The following LTBP3 variants were observed in gnomAD, a reference collection of about 807,000 sequenced individuals.
The protein encoded by LTBP3 is latent-transforming growth factor beta-binding protein 3.
In LTBP3, 97 loss-of-function variants were observed where a neutral mutation model predicts 159.7. The observed-to-expected ratio is 0.61, with a 90% CI of 0.52 to 0.72. The LOEUF is 0.72. Ranked by LOEUF, LTBP3 falls within the 30% of genes least tolerant of loss-of-function variation. LTBP3 has a pLI of 0.00. For missense variants in LTBP3, 1,584 were observed against 1,864.3 expected, an observed-to-expected ratio of 0.85 and a Z score of 2.77; for synonymous variants, 824 against 777.1, an observed-to-expected ratio of 1.06 and a Z score of -1.00.
In LTBP3 at chr11:65,552,744, TG is replaced by T; in HGVS notation, c.1186+115del. Reference sequence around the variant, plus strand: ...TGCTGATCCCTGATCCTATTGGCTCTGGGCCTTGTTCCTCCTGCAGTCAACC... The same window carrying T: ...TGCTGATCCCTGATCCTATTGGCTCTGGCCTTGTTCCTCCTGCAGTCAACC... On this transcript the variant is annotated intron_variant, in intron 6 of 27. Transcript: ENST00000301873. The surrounding 1 kb of genome is among the most constrained non-coding windows in gnomAD (Gnocchi z 6.0). 6.8e-7 allele frequency: 1 copy of T among 1,461,738 alleles called. No homozygotes were observed. The highest frequency in any genetic ancestry group is 1.4e-5 in the African/African-American group (1 of 71,794). The allele number at this position is 1,461,738 out of a possible 1,614,324, so 90.5% of individuals were successfully genotyped here.
chr11:65,540,822 C>T (rs1565089442), intron 21 of LTBP3, 49 bp downstream of exon 21: 2 of 1,575,090 alleles, frequency 1.3e-6, no homozygotes, highest in South Asian at 1.1e-5. Context: ...CGGGCGAGCC[C>T]AACCCGGGGT....
At position 65,540,378 on chromosome 11, in the gene LTBP3, C is replaced by T. The variant is rs896887216; in HGVS notation, c.3111G>A (p.Val1037=). The part of the protein sequence containing the change: ...YDGNLLECVD[V]DECLDESNCR... Reference sequence around the variant, plus strand: ...AGTTGGACTCGTCCAGGCACTCGTCCACGTCTGCAGGGAGGAAAAGCGTGG... The same window carrying T: ...AGTTGGACTCGTCCAGGCACTCGTCTACGTCTGCAGGGAGGAAAAGCGTGG... Residue 1037 remains valine (V), a synonymous_variant, in exon 23 of 28, where the codon GTG becomes GTA. Transcript: ENST00000301873. 1.3e-6 allele frequency: 2 copies of T among 1,599,710 alleles called. No individual in the cohort carries two copies. The highest frequency in any genetic ancestry group is 1.8e-5 in the Admixed American group (1 of 56,604).
chr11:65,557,993 G>T lies in LTBP3; in HGVS notation c.-34C>A. Reference sequence around the variant, plus strand: ...GCAGGACCCGGGGGAGGGGGGGCGCGCCCGGGCGGGGCGAGGGGCCCGCGC... The same window carrying T: ...GCAGGACCCGGGGGAGGGGGGGCGCTCCCGGGCGGGGCGAGGGGCCCGCGC... On this transcript the variant is annotated 5_prime_UTR_variant, in exon 1 of 28. Coordinates refer to ENST00000301873, the MANE Select transcript of LTBP3 (RefSeq NM_001130144.3). The T allele has an allele frequency of 1.8e-6, 2 of 1,114,238 alleles. No individual in the cohort carries two copies. The highest frequency in any genetic ancestry group is 2.2e-6 in the Non-Finnish European group (2 of 913,236). The allele number at this position is 1,114,238 out of a possible 1,614,324, so 69.0% of individuals were successfully genotyped here.
intron 17 of LTBP3, 88 bp from the exon 18 acceptor site, chr11:65,543,312 G>A: frequency 6.2e-7 from 1 of 1,612,140 alleles, no homozygotes; most frequent in East Asian, 2.2e-5. Context: ...AGAGCCCTGG[G>A]TCAGTCCCAC....
chr11:65,542,423 C>G (rs900770636), intron 18 of LTBP3: 28 of 132,814 alleles, frequency 2.1e-4, no homozygotes, highest in African/African-American at 8.0e-4. Context: ...GAATCTCACT[C>G]TCTGCCCAGG....
rs1473188479 is a variant in LTBP3 at position 65,557,530 on chromosome 11, C to T, written c.331+99G>A. Reference sequence around the variant, plus strand: ...GGCCCTCGGATCTCTGCCCTTTATACCCTCAGCCCCCAGTCTCTAAGGCCA... The same window carrying T: ...GGCCCTCGGATCTCTGCCCTTTATATCCTCAGCCCCCAGTCTCTAAGGCCA... On this transcript the variant is annotated intron_variant, in intron 1 of 27. Transcript: ENST00000301873. 7 of 1,539,930 alleles carry T rather than the reference C, an allele frequency of 4.5e-6. No homozygotes were observed. The Admixed American group carries it at 1.2e-4, about 26-fold the overall frequency.
At position 65,538,592 on chromosome 11, in the gene LTBP3, G is replaced by T; in HGVS notation, c.*488C>A. 6.2e-7 allele frequency: 1 copy of T among 1,602,828 alleles called. No homozygotes were observed. The highest frequency in any genetic ancestry group is 1.3e-5 in the African/African-American group (1 of 74,882). On this transcript the variant is annotated 3_prime_UTR_variant, in exon 28 of 28. Transcript: ENST00000301873. ...ACCGTGGCGGTGGCCCTTCCCGGCT[G>T]CGGAGAGCCCGCCCCACAGATGTAT...
At position 65,553,069 on chromosome 11, in the gene LTBP3, C is replaced by T. The variant is rs1856670316; in HGVS notation, c.1064-87G>A. The T allele has an allele frequency of 8.7e-6, 14 of 1,606,834 alleles. 1 individual carries two copies. In the South Asian group the frequency reaches 1.5e-4, roughly 18 times the overall value. On this transcript the variant is annotated intron_variant, in intron 5 of 27. Transcript: ENST00000301873. The surrounding 1 kb of genome is among the most constrained non-coding windows in gnomAD (Gnocchi z 6.5). Reference sequence around the variant, plus strand: ...CAAGAACCTCAGGGTCTTGCCCCAGCCCCACCTCCTCTCTCGCCCACCTTG... The same window carrying T: ...CAAGAACCTCAGGGTCTTGCCCCAGTCCCACCTCCTCTCTCGCCCACCTTG...
chr11:65,557,901 G>T lies in LTBP3; in HGVS notation c.59C>A (p.Ala20Glu). 7.9e-7 allele frequency: 1 copy of T among 1,269,306 alleles called. No individual in the cohort carries two copies. The highest frequency in any genetic ancestry group is 1.0e-6 in the Non-Finnish European group (1 of 997,708). 78.6% of individuals were successfully genotyped at this position (1,269,306 alleles called of 1,614,324 possible). ...GLAPEMRGAGAAGLLALLLLL... is the reference protein window; with the variant it reads ...GLAPEMRGAGEAGLLALLLLL... Reference sequence around the variant, plus strand: ...CAGCAGCAGCGCCAGCAGCCCCGCCGCCCCCGCCCCGCGCATCTCAGGGGC... The same window carrying T: ...CAGCAGCAGCGCCAGCAGCCCCGCCTCCCCCGCCCCGCGCATCTCAGGGGC... Residue 20 changes from alanine (A) to glutamate (E), a missense_variant, in exon 1 of 28, where the codon GCG becomes GAG. By Grantham distance (107) the Ala-to-Glu change is moderately radical. Transcript: ENST00000301873.
chr11:65,547,621 A>G lies in LTBP3; in HGVS notation c.1979-54T>C. 6.2e-7 allele frequency: 1 copy of G among 1,610,060 alleles called. No individual in the cohort carries two copies. The highest frequency in any genetic ancestry group is 8.5e-7 in the Non-Finnish European group (1 of 1,178,388). On this transcript the variant is annotated intron_variant, in intron 13 of 27. Transcript: ENST00000301873. The surrounding 1 kb of genome is among the most constrained non-coding windows in gnomAD (Gnocchi z 4.6). Reference sequence around the variant, plus strand: ...GGTGTAGGAGGCGGCGGGCAAGGGGAGGGATTACACGGCGGTCTGGAGGAG... The same window carrying G: ...GGTGTAGGAGGCGGCGGGCAAGGGGGGGGATTACACGGCGGTCTGGAGGAG...
chr11:65,546,739 G>T lies in LTBP3; in HGVS notation c.2230+59C>A. The T allele has an allele frequency of 6.5e-7, 1 of 1,538,686 alleles. No homozygotes were observed. Among genetic ancestry groups the T allele is most frequent in the Non-Finnish European group, 8.8e-7 (1 of 1,137,116 alleles). On this transcript the variant is annotated intron_variant, in intron 15 of 27. Coordinates refer to ENST00000301873, the MANE Select transcript of LTBP3 (RefSeq NM_001130144.3). The surrounding 1 kb of genome is among the most constrained non-coding windows in gnomAD (Gnocchi z 4.0). Reference sequence around the variant, plus strand: ...GCTACCCCGCCCCGCCCCCAGCGGAGCCAGACTGGGGGAGGCACCTGACGG... The same window carrying T: ...GCTACCCCGCCCCGCCCCCAGCGGATCCAGACTGGGGGAGGCACCTGACGG...
intron 22 of LTBP3, 49 bp downstream of exon 22, chr11:65,540,437 C>G: frequency 6.2e-7 from 1 of 1,609,682 alleles, no homozygotes; most frequent in African/African-American, 1.3e-5. Context: ...GGCGCGGTGG[C>G]GCGTGTCTCC....
In LTBP3 at chr11:65,553,295, G is replaced by A; in HGVS notation, c.971-39C>T. 2.5e-6 allele frequency: 4 copies of A among 1,571,640 alleles called. No individual in the cohort carries two copies. The highest frequency in any genetic ancestry group is 3.5e-6 in the Non-Finnish European group (4 of 1,144,020). On this transcript the variant is annotated intron_variant, in intron 4 of 27. Coordinates refer to ENST00000301873, the MANE Select transcript of LTBP3 (RefSeq NM_001130144.3). This position sits in a 1 kb window ranked among gnomAD's most constrained non-coding sequence, Gnocchi z 6.5. ...ATAGCTTGGCAGGGGAGGGTGAGGA[G>A]GGAACTGGGGAGGGGCACAGCAGAT...
At chr11:65,542,775 A>G in intron 18 of LTBP3, 1 of 368,240 alleles carries the variant, frequency 2.7e-6, no homozygotes, top group Non-Finnish European at 5.3e-6. Context: ...AATATCTGTA[A>G]AGAGCTTAAC....
At chr11:65,550,826 A>G (rs552566638) in intron 11 of LTBP3, among the ~76,000 whole-genome samples, 25 of 152,326 alleles carry the variant, frequency 1.6e-4, no homozygotes, top group African/African-American at 6.0e-4. Flanking sequence ...CCGTCTCAAA[A>G]AAAACAAAAA....
chr11:65,554,151 G>T lies in LTBP3; in HGVS notation c.561C>A (p.Ala187=). ...DSVASKHAIY[A]VQVIADPPGP... is the part of the protein sequence containing the mutation. ...CAGGAGGGTCAGCGATCACCTGGAC[G>T]GCGTAGATGGCGTGCTTGCTGGCCA... Residue 187 remains alanine (A), a synonymous_variant, in exon 2 of 28, where the codon GCC becomes GCA. Transcript: ENST00000301873. The surrounding 1 kb of genome is among the most constrained non-coding windows in gnomAD (Gnocchi z 5.3). 1.2e-6 allele frequency: 2 copies of T among 1,612,034 alleles called. No homozygotes were observed. Among genetic ancestry groups the T allele is most frequent in the Non-Finnish European group, 1.7e-6 (2 of 1,179,618 alleles).
Position 65,538,770 on chromosome 11 carries a change from C to T in LTBP3, c.*310G>A. On this transcript the variant is annotated 3_prime_UTR_variant, in exon 28 of 28. Transcript: ENST00000301873. ...GGGGTCTGGCGCCGCCCTGCGCAGC[C>T]CGCGCCCACGTCAGACGTGAACATC... 2 of 866,264 alleles carry T rather than the reference C, an allele frequency of 2.3e-6. No homozygotes were observed. The highest frequency in any genetic ancestry group is 3.4e-6 in the Non-Finnish European group (2 of 586,208). 53.7% of individuals were successfully genotyped at this position (866,264 alleles called of 1,614,324 possible). A position where few individuals can be genotyped will look rare whatever the true frequency, so the allele number is the denominator to read the frequency against.
chr11:65,547,890 C>G lies in LTBP3; in HGVS notation c.1846+30G>C, dbSNP rs752344067. 22 of 1,613,400 alleles carry G rather than the reference C, an allele frequency of 1.4e-5. No homozygotes were observed. Among genetic ancestry groups the G allele is most frequent in the Middle Eastern group, 3.3e-4 (2 of 6,084 alleles). ...TTATCTGGGGTCCCCCCCCACCCAC[C>G]TGCATGCCCGCCGCCTGCCCTGCGC... On this transcript the variant is annotated intron_variant, in intron 12 of 27. Coordinates refer to ENST00000301873, the MANE Select transcript of LTBP3 (RefSeq NM_001130144.3). This position sits in a 1 kb window ranked among gnomAD's most constrained non-coding sequence, Gnocchi z 4.6.
chr11:65,547,363 G>A lies in LTBP3; in HGVS notation c.2107+76C>T, dbSNP rs1204245882. Reference sequence around the variant, plus strand: ...CGTCTCGGGGGAAAAAAAAAAAAATGCAGGCACCCCAGCCCCACCCCAGGT... The same window carrying A: ...CGTCTCGGGGGAAAAAAAAAAAAATACAGGCACCCCAGCCCCACCCCAGGT... On this transcript the variant is annotated intron_variant, in intron 14 of 27. Transcript: ENST00000301873. The surrounding 1 kb of genome is among the most constrained non-coding windows in gnomAD (Gnocchi z 4.6). The A allele has an allele frequency of 1.6e-5, 24 of 1,491,372 alleles. 1 individual carries two copies. The South Asian group carries it at 2.3e-4, about 14-fold the overall frequency. 92.4% of individuals were successfully genotyped at this position (1,491,372 alleles called of 1,614,324 possible). A position where few individuals can be genotyped will look rare whatever the true frequency, so the allele number is the denominator to read the frequency against.
Sources: allele counts gnomAD v4.1 joint callset (sites outside exome capture counted in the v4.1 genomes callset), GRCh38; gene constraint gnomAD v4.1.1; non-coding constraint Gnocchi (gnomAD v3.1); transcripts MANE v1.5; gene names NCBI Gene and HGNC (gene_info 2026-07-23, HGNC 2026-07-21).